The following DAPK1 variants were observed in gnomAD, a reference collection of about 807,000 sequenced individuals.
DAPK1 encodes death associated protein kinase 1.
Under a neutral mutation model 144.9 loss-of-function variants are expected in DAPK1, and 56 were observed. That is an observed-to-expected ratio of 0.39 (90% confidence interval 0.31 to 0.48). DAPK1 has a LOEUF of 0.48. DAPK1 is among the 20% of genes least tolerant of loss of function. DAPK1 has a pLI of 0.95. For synonymous variants in DAPK1, 690 were observed against 749.0 expected (o/e 0.92, Z 1.29); for missense variants, 1,454 against 1,875.4 (o/e 0.78, Z 4.15).
intron 2 of DAPK1, among the ~76,000 whole-genome samples, chr9:87,595,543 G>C (rs1303472948): frequency 1.3e-5 from 2 of 152,194 alleles, no homozygotes; most frequent in African/African-American, 4.8e-5. Flanking sequence ...ATGATAAAGA[G>C]GTATCTTGAG....
intron 25 of DAPK1, among the ~76,000 whole-genome samples, chr9:87,703,754 G>A (rs1825539996): frequency 6.6e-6 from 1 of 152,176 alleles, no homozygotes; most frequent in Non-Finnish European, 1.5e-5. Flanking sequence ...AGCAAGCAAT[G>A]CCCAGCAGAA....
chr9:87,697,884 G>A (rs1199733589), intron 22 of DAPK1, among the ~76,000 whole-genome samples: 1 of 152,192 alleles, frequency 6.6e-6, no homozygotes, highest in African/African-American at 2.4e-5. Flanking sequence ...AACCTGGGAG[G>A]CTGTGGCTGC....
intron 19 of DAPK1, among the ~76,000 whole-genome samples, chr9:87,671,705 A>G (rs1489001621): frequency 6.6e-6 from 1 of 152,106 alleles, no homozygotes; most frequent in Non-Finnish European, 1.5e-5. Flanking sequence ...ATTAGCAACT[A>G]TGTCTCAATA....
chr9:87,553,861 G>A (rs958985842), intron 2 of DAPK1: 2 of 152,256 alleles, frequency 1.3e-5, no homozygotes, highest in East Asian at 1.9e-4. Context: ...GAAAAAGGAT[G>A]AGACATGTGG....
intron 2 of DAPK1, among the ~76,000 whole-genome samples, chr9:87,562,936 C>G (rs7865106): frequency 5.9e-5 from 9 of 152,024 alleles, no homozygotes; most frequent in African/African-American, 2.2e-4. Flanking sequence ...TATAGAACCT[C>G]AAACAAGTGC....
chr9:87,642,073 T>C lies in DAPK1; in HGVS notation c.918+15T>C, dbSNP rs1830118037. 1.9e-6 allele frequency: 3 copies of C among 1,609,106 alleles called. No individual in the cohort carries two copies. The Admixed American group carries it at 5.0e-5, about 27-fold the overall frequency. Reference sequence around the variant, plus strand: ...AAAAATGGAAAGTAAGATTGTTTGTTGTGGAGGGATTAACAAATTCTGTTT... The same window carrying C: ...AAAAATGGAAAGTAAGATTGTTTGTCGTGGAGGGATTAACAAATTCTGTTT... On this transcript the variant is annotated intron_variant, in intron 10 of 25. Transcript: ENST00000408954.
chr9:87,686,825 C>A lies in DAPK1; in HGVS notation c.2413+86C>A. 2 of 1,381,390 alleles carry A rather than the reference C, an allele frequency of 1.4e-6. No homozygotes were observed. The highest frequency in any genetic ancestry group is 9.8e-7 in the Non-Finnish European group (1 of 1,021,058). 85.6% of individuals were successfully genotyped at this position (1,381,390 alleles called of 1,614,324 possible). On this transcript the variant is annotated intron_variant, in intron 21 of 25. Coordinates refer to ENST00000408954, the MANE Select transcript of DAPK1 (RefSeq NM_004938.4). This position sits in a 1 kb window ranked among gnomAD's most constrained non-coding sequence, Gnocchi z 4.2. ...ATCCCTAAAGGGAGCTTGTCCTGAG[C>A]TGTATCTGTCACTTCCAGAAGGAAA...
In DAPK1 at chr9:87,686,490, G is replaced by T. The variant is rs1042596141; in HGVS notation, c.2225-61G>T. On this transcript the variant is annotated intron_variant, in intron 20 of 25. Transcript: ENST00000408954. The surrounding 1 kb of genome is among the most constrained non-coding windows in gnomAD (Gnocchi z 4.2). ...AAAAGGAAACCTCAGGGCCAGCCTG[G>T]GAGGGAGACAGGCACACGCTGCCCC... is the stretch of plus-strand genomic sequence containing the variant. 3.2e-6 allele frequency: 3 copies of T among 949,542 alleles called. No individual in the cohort carries two copies. In the African/African-American group the frequency reaches 4.9e-5, roughly 15 times the overall value. The allele number at this position is 949,542 out of a possible 1,614,324, so 58.8% of individuals were successfully genotyped here. A position where few individuals can be genotyped will look rare whatever the true frequency, so the allele number is the denominator to read the frequency against.
intron 19 of DAPK1, among the ~76,000 whole-genome samples, chr9:87,680,261 C>G (rs1208059920): frequency 6.6e-6 from 1 of 152,088 alleles, no homozygotes; most frequent in African/African-American, 2.4e-5. Flanking sequence ...CCCGCCACCA[C>G]GCCCGGCTAA....
At chr9:87,671,348 G>A (rs2119289168) in intron 19 of DAPK1, among the ~76,000 whole-genome samples, 1 of 151,780 alleles carries the variant, frequency 6.6e-6, no homozygotes, top group South Asian at 2.1e-4. Context: ...AACTATTACA[G>A]CTATAAAATA....
intron 20 of DAPK1, among the ~76,000 whole-genome samples, chr9:87,685,189 T>C (rs1457698851): frequency 6.6e-6 from 1 of 152,196 alleles, no homozygotes; most frequent in African/African-American, 2.4e-5. Context: ...CCTACAGAAA[T>C]AGAATATGTG....
At chr9:87,680,657 A>G (rs891656452) in intron 19 of DAPK1, among the ~76,000 whole-genome samples, 10 of 151,082 alleles carry the variant, frequency 6.6e-5, no homozygotes, top group Non-Finnish European at 8.9e-5. Context: ...ACACACGCGC[A>G]CACACACACA....
rs377546052 is a variant in DAPK1 at position 87,641,986 on chromosome 9, G to A, written c.846G>A (p.Gln282=). ...HPWIKPKDTQ[Q]ALSRKASAVN... is the part of the protein sequence containing the mutation. ...TATTTTAGCCTAAAGATACACAACA[G>A]GCACTTAGTAGAAAAGCATCAGCAG... is the stretch of plus-strand genomic sequence containing the variant. Residue 282 remains glutamine, a synonymous_variant, in exon 10 of 26, where the codon CAG becomes CAA. Transcript: ENST00000408954. 1 of 1,613,610 alleles carries A rather than the reference G, an allele frequency of 6.2e-7. No individual in the cohort carries two copies. The highest frequency in any genetic ancestry group is 1.3e-5 in the African/African-American group (1 of 74,884).
intron 19 of DAPK1, among the ~76,000 whole-genome samples, chr9:87,674,888 C>A (rs1406205528): frequency 6.6e-6 from 1 of 152,196 alleles, no homozygotes; most frequent in Non-Finnish European, 1.5e-5. Context: ...AGGAGATTTA[C>A]CAGGGCTTCA....
At chr9:87,556,543 A>ATG (rs1285343223) in intron 2 of DAPK1, among the ~76,000 whole-genome samples, 2 of 152,036 alleles carry the variant, frequency 1.3e-5, no homozygotes, top group Non-Finnish European at 2.9e-5. Flanking sequence ...CATCATGCTA[A>ATG]TGTCAGGAGG....
At chr9:87,627,156 G>A (rs368758560) in intron 3 of DAPK1, among the ~76,000 whole-genome samples, 2 of 152,096 alleles carry the variant, frequency 1.3e-5, no homozygotes, top group Admixed American at 6.5e-5. Context: ...ATGGGGAGGC[G>A]CCCACATGGA....
intron 21 of DAPK1, among the ~76,000 whole-genome samples, chr9:87,687,827 A>G (rs776184759): frequency 1.8e-4 from 28 of 151,638 alleles, no homozygotes; most frequent in African/African-American, 6.5e-4. Flanking sequence ...TGTCTTTTTA[A>G]TAATAGCCAT....
intron 2 of DAPK1, among the ~76,000 whole-genome samples, chr9:87,596,773 G>A (rs1828334016): frequency 6.6e-6 from 1 of 152,218 alleles, no homozygotes; most frequent in South Asian, 2.1e-4. Flanking sequence ...CTTCAGTGCT[G>A]TTCTGCTGAC....
At chr9:87,701,079 A>C (rs1395120406) in intron 24 of DAPK1, among the ~76,000 whole-genome samples, 1 of 152,236 alleles carries the variant, frequency 6.6e-6, no homozygotes, top group African/African-American at 2.4e-5. Flanking sequence ...CCTATTATAA[A>C]GCCCCTGATA....
Sources: gnomAD v4.1 joint callset for allele counts (sites outside exome capture counted in the v4.1 genomes callset) on GRCh38, gnomAD v4.1.1 for gene constraint, Gnocchi (gnomAD v3.1) non-coding constraint, MANE v1.5 for transcripts, NCBI Gene and HGNC (gene_info 2026-07-23, HGNC 2026-07-21) for gene names.